Variants in NUFIP1 observed in about 807,000 individuals in gnomAD.
NUFIP1 encodes nuclear FMR1 interacting protein 1.
In NUFIP1, 38 loss-of-function variants were observed where a neutral mutation model predicts 56.2. That is an observed-to-expected ratio of 0.68 (90% CI 0.52 to 0.89). The LOEUF is 0.89. Ranked by LOEUF, NUFIP1 falls within the 40% of genes least tolerant of loss-of-function variation. The pLI is 0.00. For missense variants in NUFIP1, 567 were observed against 605.8 expected, an observed-to-expected ratio of 0.94 and a Z score of 0.67; for synonymous variants, 215 against 212.4, an observed-to-expected ratio of 1.01 and a Z score of -0.10.
In NUFIP1 at chr13:44,969,519, G is replaced by A. The variant is rs1189764176; in HGVS notation, c.735-3583C>T. ...TATGAAGTTATAAAGACCGTGACAAGGGAAATTTTCACAGTTGGTTTTTCT... is the reference window on the plus strand; with the variant it reads ...TATGAAGTTATAAAGACCGTGACAAAGGAAATTTTCACAGTTGGTTTTTCT... On this transcript the variant is annotated intron_variant, in intron 5 of 9. Coordinates refer to ENST00000379161, the MANE Select transcript of NUFIP1 (RefSeq NM_012345.3). 2.6e-5 allele frequency among the ~76,000 whole-genome samples: 4 copies of A among 152,126 alleles called. No homozygotes were observed. In the East Asian group the frequency reaches 7.7e-4, roughly 29 times the overall value.
intron 6 of NUFIP1, 44 bp from the exon 7 acceptor site, chr13:44,959,618 C>A (rs777627598): frequency 1.3e-6 from 2 of 1,534,988 alleles, no homozygotes; most frequent in Non-Finnish European, 1.8e-6. Flanking sequence ...AGGCACTGAC[C>A]TTCCAAGAAA....
rs374234634 is a variant in NUFIP1, at chr13:44,949,892, C to A, written c.1022-54G>T. ...CATCTACCACCATAAAAAAGCTGTC[C>A]ATCCCCCATTCCCTCATTTGTTAGT... On this transcript the variant is annotated intron_variant, in intron 7 of 9. Coordinates refer to ENST00000379161, the MANE Select transcript of NUFIP1 (RefSeq NM_012345.3). 2.8e-6 allele frequency: 3 copies of A among 1,074,540 alleles called. No homozygotes were observed. In the African/African-American group the frequency reaches 4.7e-5, roughly 17 times the overall value. The allele number at this position is 1,074,540 out of a possible 1,614,324, so 66.6% of individuals were successfully genotyped here.
intron 7 of NUFIP1, among the ~76,000 whole-genome samples, chr13:44,956,216 C>T (rs1871236727): frequency 6.6e-6 from 1 of 151,866 alleles, no homozygotes; most frequent in African/African-American, 2.4e-5. Context: ...CATTCAAAGC[C>T]ATCCTTGGCT....
chr13:44,957,695 CT>C (rs879515211), intron 7 of NUFIP1, among the ~76,000 whole-genome samples: 116 of 147,312 alleles, frequency 7.9e-4, no homozygotes, highest in Middle Eastern at 3.5e-3. Context: ...TACTGAAATA[CT>C]TTTTTTTTTT....
Position 44,989,310 on chromosome 13 carries a change from G to A in NUFIP1, c.127C>T (p.Leu43=), listed in dbSNP as rs1872568826. 6.2e-7 allele frequency: 1 copy of A among 1,613,292 alleles called. No homozygotes were observed. Among genetic ancestry groups the A allele is most frequent in the Non-Finnish European group, 8.5e-7 (1 of 1,179,802 alleles). ...GTAAGTGGTGGTGGCGGTGGCGGCA[G>A]CATTGCCCAGAACATCCAGCTGTCC... ...PRDSWMFWAM[L]PPPPPPLTSS... is the part of the protein sequence containing the mutation. Residue 43 remains leucine (L), a synonymous_variant, in exon 1 of 10, where the codon CTG becomes TTG. Coordinates refer to ENST00000379161, the MANE Select transcript of NUFIP1 (RefSeq NM_012345.3).
At chr13:44,972,401 A>G (rs1470839245) in intron 5 of NUFIP1, among the ~76,000 whole-genome samples, 1 of 152,234 alleles carries the variant, frequency 6.6e-6, no homozygotes, top group Non-Finnish European at 1.5e-5. Context: ...AGTCAGACTA[A>G]AAAGGCCACA....
In NUFIP1 at chr13:44,979,918, T is replaced by C. The variant is rs1872126909; in HGVS notation, c.629A>G (p.Glu210Gly). 1.2e-6 allele frequency: 2 copies of C among 1,604,250 alleles called. No homozygotes were observed. The highest frequency in any genetic ancestry group is 1.7e-6 in the Non-Finnish European group (2 of 1,177,322). Reference protein sequence around the residue: ...PELDCSFTAHEKIVQFHWRNM... With the variant: ...PELDCSFTAHGKIVQFHWRNM... ...TCTCCAATGGAACTGGACAATCTTCTCGTGTGCAGTAAAAGAGCAATCTAA... is the reference window on the plus strand; with the variant it reads ...TCTCCAATGGAACTGGACAATCTTCCCGTGTGCAGTAAAAGAGCAATCTAA... The change falls in exon 4 of 10, where the codon GAG becomes GGG. Residue 210 changes from glutamate to glycine, a missense_variant. By Grantham distance (98) the Glu-to-Gly change is moderately conservative. Coordinates refer to ENST00000379161, the MANE Select transcript of NUFIP1 (RefSeq NM_012345.3).
Position 44,989,250 on chromosome 13 carries a change from A to G in NUFIP1, c.187T>C (p.Ser63Pro), listed in dbSNP as rs1179872110. The change falls in exon 1 of 10, where the codon TCT becomes CCT. Residue 63 changes from serine (S) to proline (P), a missense_variant. Coordinates refer to ENST00000379161, the MANE Select transcript of NUFIP1 (RefSeq NM_012345.3). ...SLPAAGSKPS[S>P]ESQPPMEAQS... ...GCCTCCATGGGGGGCTGCGACTCAG[A>G]GGAAGGCTTTGACCCGGCTGCGGGA... 1 of 1,613,158 alleles carries G rather than the reference A, an allele frequency of 6.2e-7. No homozygotes were observed. The highest frequency in any genetic ancestry group is 8.5e-7 in the Non-Finnish European group (1 of 1,179,726).
intron 6 of NUFIP1, among the ~76,000 whole-genome samples, chr13:44,960,590 T>TAA (rs377429479): frequency 8.5e-5 from 13 of 152,272 alleles, no homozygotes; most frequent in African/African-American, 2.9e-4. Context: ...TTTAAGGAGT[T>TAA]AAAGTTTCTG....
chr13:44,956,225 C>T (rs1871237151), intron 7 of NUFIP1, among the ~76,000 whole-genome samples: 1 of 151,504 alleles, frequency 6.6e-6, no homozygotes, highest in African/African-American at 2.4e-5. Context: ...CCATCCTTGG[C>T]TGCATGCAGT....
intron 5 of NUFIP1, among the ~76,000 whole-genome samples, chr13:44,967,600 A>T (rs1348968090): frequency 6.6e-6 from 1 of 152,216 alleles, no homozygotes; most frequent in Non-Finnish European, 1.5e-5. Context: ...CTGGAAAGGG[A>T]GACTCAGGCC....
chr13:44,963,992 G>A (rs1227676898), intron 6 of NUFIP1, among the ~76,000 whole-genome samples: 1 of 152,082 alleles, frequency 6.6e-6, no homozygotes, highest in Non-Finnish European at 1.5e-5. Flanking sequence ...GGTTACTTTT[G>A]GTTGGGGTTT....
intron 1 of NUFIP1, among the ~76,000 whole-genome samples, chr13:44,987,541 T>C (rs1344299724): frequency 1.3e-5 from 2 of 151,946 alleles, no homozygotes; most frequent in East Asian, 3.9e-4. Flanking sequence ...TTTTGCCCCA[T>C]AGGATCTGCA....
chr13:44,957,357 A>G (rs535805753), intron 7 of NUFIP1, among the ~76,000 whole-genome samples: 31 of 152,238 alleles, frequency 2.0e-4, no homozygotes, highest in Non-Finnish European at 3.4e-4. Flanking sequence ...GATTACAGGC[A>G]TGCACCATCA....
chr13:44,963,106 A>T (rs1463431426), intron 6 of NUFIP1, among the ~76,000 whole-genome samples: 1 of 152,192 alleles, frequency 6.6e-6, no homozygotes, highest in South Asian at 2.1e-4. Flanking sequence ...ACAAAAAAAA[A>T]ACTTGCTGGA....
chr13:44,979,363 C>A (rs1164242542), intron 4 of NUFIP1, 97 bp from the exon 5 acceptor site: 2 of 950,708 alleles, frequency 2.1e-6, no homozygotes, highest in Admixed American at 5.1e-5. Context: ...ATGTTGGACA[C>A]AATTTTAAAA....
intron 7 of NUFIP1, among the ~76,000 whole-genome samples, chr13:44,954,694 T>C (rs1271644597): frequency 1.3e-5 from 2 of 152,162 alleles, no homozygotes; most frequent in Non-Finnish European, 2.9e-5. Context: ...AGCCCAAGAT[T>C]TGCAATTAAG....
At chr13:44,982,207 T>C in intron 1 of NUFIP1, 53 bp from the exon 2 acceptor site, 2 of 893,930 alleles carry the variant, frequency 2.2e-6, no homozygotes, top group Non-Finnish European at 3.1e-6. Flanking sequence ...ATTTAAATTA[T>C]AATTAAATTT....
rs1228241495 is a variant in NUFIP1 at position 44,979,185 on chromosome 13, C to T, written c.734+5G>A. On this transcript the variant is annotated splice_donor_5th_base_variant and intron_variant, in intron 5 of 9. Transcript: ENST00000379161. ...GTTATTTCACCAGTTCTGAACTCTA[C>T]TCACTTCCTTCTTTCTTCCCTCCAC... is the stretch of plus-strand genomic sequence containing the variant. 1 of 1,608,508 alleles carries T rather than the reference C, an allele frequency of 6.2e-7. No homozygotes were observed.
Sources: gnomAD v4.1 joint callset for allele counts (sites outside exome capture counted in the v4.1 genomes callset) on GRCh38, gnomAD v4.1.1 for gene constraint, MANE v1.5 for transcripts, NCBI Gene and HGNC (gene_info 2026-07-23, HGNC 2026-07-21) for gene names.